ASB2: variants seen among roughly 807,000 people sequenced by gnomAD.
ASB2 encodes the protein ankyrin repeat and SOCS box protein 2.
In ASB2, 58 loss-of-function variants were observed where a neutral mutation model predicts 62.4. The observed-to-expected ratio is 0.93, with a 90% CI of 0.75 to 1.16. ASB2 has a LOEUF of 1.16. Among genes scored for constraint, ASB2 ranks in the 50% most tolerant of loss-of-function variants. ASB2 has a pLI of 0.00. For missense variants in ASB2, 928 were observed against 887.9 expected (o/e 1.05, Z -0.57); for synonymous variants, 386 against 385.3 (o/e 1.00, Z -0.02).
At chr14:93,968,444 A>G (rs1430313923) in intron 1 of ASB2, among the ~76,000 whole-genome samples, 1 of 152,158 alleles carries the variant, frequency 6.6e-6, no homozygotes, top group African/African-American at 2.4e-5. Context: ...TTATAGGAGG[A>G]GAGACATATA....
chr14:93,964,465 C>T lies in ASB2; in HGVS notation c.75G>A (p.Leu25=), dbSNP rs1239559137. The T allele has an allele frequency of 5.2e-6, 8 of 1,536,022 alleles. No individual in the cohort carries two copies. The highest frequency in any genetic ancestry group is 7.0e-6 in the Non-Finnish European group (8 of 1,146,916). Residue 25 remains leucine, a synonymous_variant, in exon 2 of 10, where the codon CTG becomes CTA. Transcript: ENST00000555019. Reference sequence around the variant, plus strand: ...CCATCTGCACCAGTTCATCCTCGCTCAGGCTGCTGTACAGGCTGTACTCCT... The same window carrying T: ...CCATCTGCACCAGTTCATCCTCGCTTAGGCTGCTGTACAGGCTGTACTCCT... The part of the protein sequence containing the change: ...GQEEYSLYSS[L]SEDELVQMAI...
At chr14:93,953,228 T>C (rs1473796454) in intron 5 of ASB2, 124 bp downstream of exon 5, 3 of 819,082 alleles carry the variant, frequency 3.7e-6, no homozygotes, top group Non-Finnish European at 5.6e-6. Context: ...TTCAGTTACA[T>C]AAATTGTGCA....
intron 2 of ASB2, among the ~76,000 whole-genome samples, chr14:93,964,123 G>A (rs1398474245): frequency 6.6e-6 from 1 of 152,156 alleles, no homozygotes; most frequent in African/African-American, 2.4e-5. Context: ...GTCCTTAAGC[G>A]GATGAAAGGA....
Position 93,964,696 on chromosome 14 carries a change from C to A in ASB2, c.-73-84G>T, listed in dbSNP as rs534681204. On this transcript the variant is annotated intron_variant, in intron 1 of 9. Transcript: ENST00000555019. ...CCCTCAGGGAAGGGTATGCATTTCA[C>A]TGACAGTAACACATTCATTTCTAAA... 134 of 661,716 alleles carry A rather than the reference C, an allele frequency of 2.0e-4. 3 individuals carry two copies. In the South Asian group the frequency reaches 2.3e-3, roughly 11 times the overall value. 41.0% of individuals were successfully genotyped at this position (661,716 alleles called of 1,614,324 possible).
At chr14:93,961,008 G>C (rs745554423) in intron 2 of ASB2, among the ~76,000 whole-genome samples, 1 of 151,368 alleles carries the variant, frequency 6.6e-6, no homozygotes, top group Non-Finnish European at 1.5e-5. Context: ...TCAGCTCTCT[G>C]TCCCCTAGGA....
chr14:93,944,943 G>T (rs1595306923), intron 7 of ASB2, among the ~76,000 whole-genome samples: 3 of 152,330 alleles, frequency 2.0e-5, no homozygotes, highest in African/African-American at 7.2e-5. Flanking sequence ...CAGCCCAGAT[G>T]AAGGTCCCAG....
At chr14:93,954,550 C>A in intron 3 of ASB2, 67 bp from the exon 4 acceptor site, 6 of 1,473,480 alleles carry the variant, frequency 4.1e-6, no homozygotes, top group Non-Finnish European at 5.6e-6. Flanking sequence ...GCCTCTCTCT[C>A]AGGAGTGCTG....
chr14:93,939,354 C>T lies in ASB2; in HGVS notation c.1371G>A (p.Met457Ile), dbSNP rs557061657. Residue 457 changes from methionine (M) to isoleucine (I), a missense_variant, in exon 8 of 10, where the codon ATG (methionine) becomes ATA (isoleucine). Coordinates refer to ENST00000555019, the MANE Select transcript of ASB2 (RefSeq NM_001202429.2). ...VAIRHGCLRT[M>I]QLLLDHGANI... is the part of the protein sequence containing the mutation. ...TCGCGCCGTGGTCCAGCAGCAGCTG[C>T]ATTGTGCGCAGGCAGCCGTGGCGGA... 2 of 1,612,648 alleles carry T rather than the reference C, an allele frequency of 1.2e-6. No individual in the cohort carries two copies. Among genetic ancestry groups the T allele is most frequent in the South Asian group, 2.2e-5 (2 of 91,012 alleles).
intron 8 of ASB2, among the ~76,000 whole-genome samples, chr14:93,938,156 C>T (rs890754879): frequency 4.0e-5 from 6 of 151,646 alleles, no homozygotes; most frequent in Admixed American, 3.9e-4. Context: ...AGTAGGCAGC[C>T]CATGAATGAT....
intron 9 of ASB2, among the ~76,000 whole-genome samples, chr14:93,936,469 C>T (rs570318913): frequency 6.6e-6 from 1 of 152,300 alleles, no homozygotes; most frequent in East Asian, 1.9e-4. Context: ...GGCCAAGGAT[C>T]GTGGTGACAG....
chr14:93,940,658 C>T (rs1469739386), intron 7 of ASB2, among the ~76,000 whole-genome samples: 1 of 152,238 alleles, frequency 6.6e-6, no homozygotes, highest in Non-Finnish European at 1.5e-5. Flanking sequence ...GCCTCACCTT[C>T]TGGGTGTGGA....
intron 1 of ASB2, among the ~76,000 whole-genome samples, chr14:93,969,083 T>C (rs1889678784): frequency 6.6e-6 from 1 of 152,062 alleles, no homozygotes. Context: ...ATGCACAAAA[T>C]GGAGATATTA....
rs1297605802 is a variant in ASB2, at chr14:93,939,088, C to T, written c.1617+20G>A. 5 of 1,440,666 alleles carry T rather than the reference C, an allele frequency of 3.5e-6. No homozygotes were observed. The highest frequency in any genetic ancestry group is 1.5e-5 in the South Asian group (1 of 68,728). The allele number at this position is 1,440,666 out of a possible 1,614,324, so 89.2% of individuals were successfully genotyped here. On this transcript the variant is annotated intron_variant, in intron 8 of 9. Transcript: ENST00000555019. ...CACACCCAAAAGGCGTGCTCCCCACCGCCAGCGTGCGCTGCCCACCTGCAC... is the reference window on the plus strand; with the variant it reads ...CACACCCAAAAGGCGTGCTCCCCACTGCCAGCGTGCGCTGCCCACCTGCAC...
intron 1 of ASB2, among the ~76,000 whole-genome samples, chr14:93,965,321 T>C (rs1889554224): frequency 1.3e-5 from 2 of 152,254 alleles, no homozygotes; most frequent in African/African-American, 4.8e-5. Flanking sequence ...TCATGGAGCT[T>C]ACACAGGATT....
intron 2 of ASB2, among the ~76,000 whole-genome samples, chr14:93,962,107 CTTTTTTTTTTTTT>C (rs35800977): frequency 2.7e-5 from 2 of 73,018 alleles, no homozygotes; most frequent in African/African-American, 5.6e-5. Flanking sequence ...ATTAAACATT[CTTTTTTTTTTTTT>C]TTTTTTTTTT....
At chr14:93,958,394 G>A (rs147906778) in intron 2 of ASB2, among the ~76,000 whole-genome samples, 113 of 152,258 alleles carry the variant, frequency 7.4e-4, no homozygotes, top group African/African-American at 2.4e-3. Context: ...ACCACTGTCC[G>A]CCCAGCTCCT....
At chr14:93,974,605 C>T (rs1370118126) in intron 1 of ASB2, among the ~76,000 whole-genome samples, 5 of 152,220 alleles carry the variant, frequency 3.3e-5, no homozygotes, top group Non-Finnish European at 7.3e-5. Flanking sequence ...TTACCACTGC[C>T]ACAGTACCTT....
Position 93,954,331 on chromosome 14 carries a change from T to C in ASB2, c.464A>G (p.Lys155Arg), listed in dbSNP as rs368246867. ...AAYYGQVGCL[K>R]VLQRAYPGTI... ...CCAGCCCTCACCTCGCTGCAGGACT[T>C]TCAGGCAGCCCACCTGGCCATAGTA... The change falls in exon 4 of 10, where the codon AAA becomes AGA. Residue 155 changes from lysine (K) to arginine (R), a missense_variant. Coordinates refer to ENST00000555019, the MANE Select transcript of ASB2 (RefSeq NM_001202429.2). 1 of 1,613,592 alleles carries C rather than the reference T, an allele frequency of 6.2e-7. No individual in the cohort carries two copies. The highest frequency in any genetic ancestry group is 1.3e-5 in the African/African-American group (1 of 75,052).
At chr14:93,945,103 C>T (rs866423463) in intron 7 of ASB2, among the ~76,000 whole-genome samples, 3 of 152,218 alleles carry the variant, frequency 2.0e-5, no homozygotes, top group African/African-American at 7.2e-5. Flanking sequence ...CAGTGGGGCT[C>T]CTTCTCTCCT....
Sources: gnomAD v4.1 joint callset for allele counts (sites outside exome capture counted in the v4.1 genomes callset) on GRCh38, gnomAD v4.1.1 for gene constraint, MANE v1.5 for transcripts, NCBI Gene and HGNC (gene_info 2026-07-23, HGNC 2026-07-21) for gene names.